Variants in RIC3 observed in about 807,000 individuals in gnomAD.
RIC3 encodes protein RIC-3.
A neutral mutation model predicts 27.3 loss-of-function variants in RIC3; 28 were observed. The observed-to-expected ratio is 1.02, with a 90% confidence interval of 0.76 to 1.41. The LOEUF (loss-of-function observed/expected upper bound fraction) is 1.41. Ranked by LOEUF, RIC3 falls within the 40% of genes most tolerant of loss-of-function variation. The pLI is 0.00. For missense variants in RIC3, 501 were observed against 444.7 expected (o/e 1.13, Z -1.14); for synonymous variants, 184 against 160.4 (o/e 1.15, Z -1.11).
the RIC3 span, chr11:8,098,870 T>A: frequency 3.1e-6 from 5 of 1,612,578 alleles, no homozygotes; most frequent in South Asian, 5.5e-5. Context: ...GGCAGCTGTG[T>A]GCTACGTGAG....
chr11:8,159,601 G>C (rs1950994414), intron 1 of RIC3, among the ~76,000 whole-genome samples: 2 of 152,220 alleles, frequency 1.3e-5, no homozygotes, highest in African/African-American at 4.8e-5. Context: ...CTGGTTGAAT[G>C]ACCCTAAACA....
At chr11:8,128,200 G>C in intron 4 of RIC3, 1 of 457,342 alleles carries the variant, frequency 2.2e-6, no homozygotes, top group Non-Finnish European at 4.4e-6. Context: ...GGCTTCTGGG[G>C]CAGACTAGAA....
chr11:8,151,682 G>A (rs2134121382), intron 1 of RIC3, among the ~76,000 whole-genome samples: 1 of 151,684 alleles, frequency 6.6e-6, no homozygotes, highest in South Asian at 2.1e-4. Flanking sequence ...GGGAGGCTGA[G>A]GTGGGCAGAT....
At chr11:8,098,937 C>A in the RIC3 span, 3 of 1,224,086 alleles carry the variant, frequency 2.5e-6, no homozygotes, top group Non-Finnish European at 3.6e-6. Context: ...GGACTTGATG[C>A]CTGATCTAGG....
chr11:8,101,645 G>T, downstream of RIC3: 1 of 1,612,714 alleles, frequency 6.2e-7, no homozygotes, highest in Non-Finnish European at 8.5e-7. Context: ...CTTTGGGGTT[G>T]CCCAGCCTGG....
chr11:8,102,676 T>C (rs1460749158), downstream of RIC3: 3 of 152,122 alleles, frequency 2.0e-5, no homozygotes, highest in Non-Finnish European at 4.4e-5. Flanking sequence ...CCATGTAGGT[T>C]CTTGGGAGGG....
Position 8,136,402 on chromosome 11 carries a change from C to T in RIC3, c.521+976G>A, listed in dbSNP as rs184590786. 2.7e-3 allele frequency among the ~76,000 whole-genome samples: 418 copies of T among 152,328 alleles called. 3 individuals are homozygous for T. The highest frequency in any genetic ancestry group is 9.8e-3 in the African/African-American group (406 of 41,576). On this transcript the variant is annotated intron_variant, in intron 4 of 5. Transcript: ENST00000309737. The stretch of plus-strand genomic sequence containing the variant: ...GGATTCTGCCACTCCCCCTAATATT[C>T]TTCCTCCATCCTTGCCAGAAGACCT...
At position 8,106,208 on chromosome 11, in the gene RIC3, C is replaced by CATATATCAACA. The variant is rs1050118183; in HGVS notation, c.*4479_*4489dup. On this transcript the variant is annotated 3_prime_UTR_variant, in exon 6 of 6. Coordinates refer to ENST00000309737, the MANE Select transcript of RIC3 (RefSeq NM_001206671.4). ...AATTTAGTGTTTGTCTAAGTACACA[C>CATATATCAACA]ATATATCAACAAATTAAACTTGAAT... The CATATATCAACA allele has an allele frequency of 2.0e-5, 3 of 152,078 alleles. No individual in the cohort carries two copies. Among genetic ancestry groups the CATATATCAACA allele is most frequent in the African/African-American group, 7.2e-5 (3 of 41,428 alleles). 9.4% of individuals were successfully genotyped at this position (152,078 alleles called of 1,614,324 possible). A position where few individuals can be genotyped will look rare whatever the true frequency, so the allele number is the denominator to read the frequency against.
At chr11:8,134,603 G>C (rs535860074) in intron 4 of RIC3, among the ~76,000 whole-genome samples, 2 of 152,256 alleles carry the variant, frequency 1.3e-5, no homozygotes, top group East Asian at 1.9e-4. Context: ...CTAGTTTATA[G>C]TCCCATCAAC....
chr11:8,104,397 T>C (rs1291565080), downstream of RIC3: 2 of 152,360 alleles, frequency 1.3e-5, no homozygotes, highest in Non-Finnish European at 2.9e-5. Context: ...CCTTTCCTTC[T>C]GGCTCCAAGG....
intron 5 of RIC3, among the ~76,000 whole-genome samples, chr11:8,112,092 T>C (rs1053682700): frequency 6.6e-6 from 1 of 152,222 alleles, no homozygotes; most frequent in African/African-American, 2.4e-5. Context: ...AGGGTGTGTG[T>C]GGAGACATTT....
the RIC3 span, among the ~76,000 whole-genome samples, chr11:8,100,205 T>C: frequency 6.6e-6 from 1 of 152,114 alleles, no homozygotes; most frequent in East Asian, 1.9e-4. Context: ...AAACTGCTGA[T>C]GGATTAGACG....
intron 4 of RIC3, among the ~76,000 whole-genome samples, chr11:8,129,518 T>C (rs973615254): frequency 7.2e-5 from 11 of 152,148 alleles, no homozygotes; most frequent in Non-Finnish European, 1.5e-4. Flanking sequence ...CAGGTCCCAG[T>C]TGGCTCAGGA....
rs190606934 is a variant in RIC3 at position 8,109,247 on chromosome 11, G to A, written c.*1451C>T. 1 of 152,186 alleles carries A rather than the reference G, an allele frequency of 6.6e-6. No homozygotes were observed. 9.4% of individuals were successfully genotyped at this position (152,186 alleles called of 1,614,324 possible). A position where few individuals can be genotyped will look rare whatever the true frequency, so the allele number is the denominator to read the frequency against. On this transcript the variant is annotated 3_prime_UTR_variant, in exon 6 of 6. Transcript: ENST00000309737. Reference sequence around the variant, plus strand: ...GCACCTTATTCATGCCAAGCATAATGTAACTCTAAAAGCCATATCTACCTT... The same window carrying A: ...GCACCTTATTCATGCCAAGCATAATATAACTCTAAAAGCCATATCTACCTT...
chr11:8,133,118 C>A (rs1220425220), intron 4 of RIC3, among the ~76,000 whole-genome samples: 13 of 151,726 alleles, frequency 8.6e-5, no homozygotes, highest in Admixed American at 5.3e-4. Context: ...TTAGTTATCC[C>A]AAGATGGGCT....
intron 4 of RIC3, among the ~76,000 whole-genome samples, chr11:8,134,481 C>A (rs1326282015): frequency 1.3e-5 from 2 of 152,154 alleles, no homozygotes; most frequent in African/African-American, 4.8e-5. Context: ...TTTATAGCAG[C>A]ATGATTTGTA....
At chr11:8,160,058 T>C (rs1490354606) in intron 1 of RIC3, among the ~76,000 whole-genome samples, 1 of 152,114 alleles carries the variant, frequency 6.6e-6, no homozygotes, top group East Asian at 1.9e-4. Flanking sequence ...AATTATAACA[T>C]GGTGGGAAAA....
chr11:8,098,892 G>C, the RIC3 span: 4 of 1,572,500 alleles, frequency 2.5e-6, no homozygotes, highest in South Asian at 4.4e-5. Flanking sequence ...CCTAGGTTCG[G>C]GGGTCTCTGA....
intron 3 of RIC3, among the ~76,000 whole-genome samples, chr11:8,137,847 T>C: frequency 7.0e-6 from 1 of 141,848 alleles, no homozygotes; most frequent in East Asian, 2.0e-4. Context: ...TGTATAAATT[T>C]AATTTCCCTA....
Sources: gnomAD v4.1 joint callset for allele counts (sites outside exome capture counted in the v4.1 genomes callset) on GRCh38, gnomAD v4.1.1 for gene constraint, MANE v1.5 for transcripts, NCBI Gene and HGNC (gene_info 2026-07-23, HGNC 2026-07-21) for gene names.